Variants in ACADL observed in about 807,000 individuals in gnomAD.
ACADL encodes acyl-CoA dehydrogenase long chain, also known as long-chain specific acyl-CoA dehydrogenase, mitochondrial.
A neutral mutation model predicts 56.9 loss-of-function variants in ACADL; 60 were observed. That is an observed-to-expected ratio of 1.05 (90% CI 0.86 to 1.31). ACADL has a LOEUF of 1.31. Among genes scored for constraint, ACADL ranks in the 50% most tolerant of loss-of-function variants. The probability of loss-of-function intolerance (pLI) is 0.00; values close to 1 mark genes in which losing one functional copy is unlikely to be tolerated. For missense variants in ACADL, 484 were observed against 525.5 expected (o/e 0.92, Z 0.77); for synonymous variants, 158 against 179.7 (o/e 0.88, Z 0.97).
intron 4 of ACADL, among the ~76,000 whole-genome samples, chr2:210,215,732 A>G (rs1052542400): frequency 2.0e-5 from 3 of 152,170 alleles, no homozygotes; most frequent in Admixed American, 2.0e-4. Context: ...CACCAAACAC[A>G]AACATACCAT....
At chr2:210,196,591 G>GGC (rs1688714154) in intron 8 of ACADL, among the ~76,000 whole-genome samples, 1 of 152,100 alleles carries the variant, frequency 6.6e-6, no homozygotes, top group Non-Finnish European at 1.5e-5. Context: ...CTTTGGCACT[G>GGC]ACTCTTGAGC....
At chr2:210,194,114 G>GT (rs1189237046) in intron 9 of ACADL, among the ~76,000 whole-genome samples, 3 of 151,962 alleles carry the variant, frequency 2.0e-5, no homozygotes, top group Non-Finnish European at 4.4e-5. Context: ...TAAACCTGAG[G>GT]TTTTCAAATA....
chr2:210,194,630 G>A (rs1234517063), intron 9 of ACADL, among the ~76,000 whole-genome samples: 2 of 152,068 alleles, frequency 1.3e-5, no homozygotes, highest in East Asian at 1.9e-4. Flanking sequence ...ACTTAATAGA[G>A]CCTGTGAAAC....
At chr2:210,216,571 TAAC>T (rs2125716946) in intron 3 of ACADL, 60 bp from the exon 4 acceptor site, 1 of 1,480,978 alleles carries the variant, frequency 6.8e-7, no homozygotes, top group Admixed American at 1.8e-5. Context: ...ACGACTATTA[TAAC>T]AACAATGTAT....
chr2:210,191,482 C>A (rs1232754070), intron 10 of ACADL, among the ~76,000 whole-genome samples: 1 of 152,042 alleles, frequency 6.6e-6, no homozygotes, highest in East Asian at 1.9e-4. Context: ...TAGATGATTG[C>A]CTTCTCCCCA....
chr2:210,217,723 AAACT>A (rs1284468504), intron 3 of ACADL: 32 of 487,914 alleles, frequency 6.6e-5, no homozygotes, highest in Middle Eastern at 1.2e-3. Context: ...CAGGAAAAAA[AAACT>A]ATCTCTTTAA....
rs550524227 is a variant in ACADL, at chr2:210,196,000, T to C, written c.985-662A>G. Among the ~76,000 whole-genome samples, 8 of 152,256 alleles carry C rather than the reference T, an allele frequency of 5.3e-5. No homozygotes were observed. The South Asian group carries it at 1.5e-3, about 28-fold the overall frequency. On this transcript the variant is annotated intron_variant, in intron 8 of 10. Transcript: ENST00000233710. ...TGGCTCTGTCCCTACCCAAATCTTA[T>C]CTTGAATTGTAGCTCCCATAATCCC...
chr2:210,220,045 C>T (rs1245628910), intron 2 of ACADL, among the ~76,000 whole-genome samples: 3 of 151,856 alleles, frequency 2.0e-5, no homozygotes, highest in East Asian at 1.9e-4. Context: ...ATAACGGTGC[C>T]GAGAATTTTT....
rs755314963 is a variant in ACADL at position 210,194,114 on chromosome 2, G to A, written c.1112+1097C>T. 5.3e-5 allele frequency among the ~76,000 whole-genome samples: 8 copies of A among 151,962 alleles called. No homozygotes were observed. The South Asian group carries it at 6.2e-4, about 12-fold the overall frequency. On this transcript the variant is annotated intron_variant, in intron 9 of 10. Coordinates refer to ENST00000233710, the MANE Select transcript of ACADL (RefSeq NM_001608.4). The stretch of plus-strand genomic sequence containing the variant: ...ATATGAGCATGTGTATAAACCTGAG[G>A]TTTTCAAATAACAAGGTCAATGGCT...
In ACADL at chr2:210,195,207, A is replaced by G; in HGVS notation, c.1112+4T>C. ...CCGCACTCTAATTACTGTAGCATGC[A>G]TACCAATATTTCGCCATGCAAGCAG... On this transcript the variant is annotated splice_donor_region_variant and intron_variant, in intron 9 of 10. Coordinates refer to ENST00000233710, the MANE Select transcript of ACADL (RefSeq NM_001608.4). 1 of 1,613,898 alleles carries G rather than the reference A, an allele frequency of 6.2e-7. No individual in the cohort carries two copies. The highest frequency in any genetic ancestry group is 8.5e-7 in the Non-Finnish European group (1 of 1,179,866).
At chr2:210,214,467 AAAAGAAAGAAAGAAAGAAAGAAAG>A (rs60795055) in intron 4 of ACADL, among the ~76,000 whole-genome samples, 3 of 122,336 alleles carry the variant, frequency 2.5e-5, no homozygotes, top group Non-Finnish European at 4.9e-5. Flanking sequence ...GACCTTCCAA[AAAAGAAAGAAAGAAAGAAAGAAAG>A]AAAGAAAGAA....
chr2:210,222,938 G>A (rs771948795), intron 1 of ACADL, among the ~76,000 whole-genome samples: 1 of 152,118 alleles, frequency 6.6e-6, no homozygotes, highest in Non-Finnish European at 1.5e-5. Context: ...TTCCATACTT[G>A]AGAGTTTCCC....
intron 3 of ACADL, 76 bp downstream of exon 3, chr2:210,217,889 G>T: frequency 6.5e-7 from 1 of 1,536,218 alleles, no homozygotes; most frequent in East Asian, 2.2e-5. Flanking sequence ...TTGTTTGTTT[G>T]TTTGTTTGGT....
intron 8 of ACADL, among the ~76,000 whole-genome samples, chr2:210,199,299 T>A (rs974834016): frequency 1.3e-5 from 2 of 152,106 alleles, no homozygotes; most frequent in Admixed American, 1.3e-4. Context: ...TCAGAACATA[T>A]AAACTTACTT....
intron 5 of ACADL, among the ~76,000 whole-genome samples, chr2:210,206,714 G>A (rs994506122): frequency 6.6e-6 from 1 of 152,092 alleles, no homozygotes; most frequent in African/African-American, 2.4e-5. Context: ...ATCTTTCCTG[G>A]TTCATCTCAA....
At chr2:210,203,285 T>C (rs1425058369) in intron 8 of ACADL, 46 bp downstream of exon 8, 1 of 1,324,760 alleles carries the variant, frequency 7.5e-7, no homozygotes, top group Non-Finnish European at 1.1e-6. Context: ...CATTTCAGAT[T>C]AGTAAACTGA....
At chr2:210,197,263 T>C (rs1370224167) in intron 8 of ACADL, among the ~76,000 whole-genome samples, 3 of 152,148 alleles carry the variant, frequency 2.0e-5, no homozygotes, top group Non-Finnish European at 4.4e-5. Context: ...AACTAAGCAA[T>C]GAGAAGGTTG....
At chr2:210,197,621 T>C (rs2058508) in intron 8 of ACADL, among the ~76,000 whole-genome samples, 2,236 of 152,336 alleles carry the variant, frequency 0.015, 69 homozygotes, top group African/African-American at 0.051. Context: ...TATGACACTT[T>C]ATTTGGAAAA....
At chr2:210,203,218 A>G (rs1688824637) in intron 8 of ACADL, 113 bp downstream of exon 8, 2 of 757,802 alleles carry the variant, frequency 2.6e-6, no homozygotes, top group Non-Finnish European at 4.7e-6. Context: ...ATCCACTTCC[A>G]TGGTTTCTAA....
Sources: gnomAD v4.1 joint callset for allele counts (sites outside exome capture counted in the v4.1 genomes callset) on GRCh38, gnomAD v4.1.1 for gene constraint, MANE v1.5 for transcripts, NCBI Gene and HGNC (gene_info 2026-07-23, HGNC 2026-07-21) for gene names.